The following RUVBL1 variants were observed in gnomAD, a reference collection of about 807,000 sequenced individuals.
RUVBL1 encodes RuvB like AAA ATPase 1.
In RUVBL1, 4 loss-of-function variants were observed where a neutral mutation model predicts 52.4. That is an observed-to-expected ratio of 0.08 (90% CI 0.04 to 0.17). RUVBL1 has a LOEUF of 0.17. Among genes scored for constraint, RUVBL1 ranks in the 10% least tolerant of loss-of-function variants. The pLI, the probability that RUVBL1 is intolerant of heterozygous loss-of-function variation, is 1.00. For synonymous variants in RUVBL1, 217 were observed against 214.4 expected (o/e 1.01, Z -0.10); for missense variants, 298 against 572.8 (o/e 0.52, Z 4.90).
At chr3:128,131,968 C>T (rs1046271186) in intron 1 of RUVBL1, among the ~76,000 whole-genome samples, 1 of 152,208 alleles carries the variant, frequency 6.6e-6, no homozygotes, top group African/African-American at 2.4e-5. Context: ...CTGGTTTTAA[C>T]ATCACATCAA....
chr3:128,089,712 G>T (rs990938328), intron 8 of RUVBL1, among the ~76,000 whole-genome samples: 3 of 151,926 alleles, frequency 2.0e-5, no homozygotes, highest in African/African-American at 7.2e-5. Flanking sequence ...ATATTTTCTG[G>T]TTTCTTTATA....
chr3:128,146,736 G>A (rs751472536), intron 1 of RUVBL1, among the ~76,000 whole-genome samples: 1 of 151,358 alleles, frequency 6.6e-6, no homozygotes, highest in South Asian at 2.1e-4. Context: ...TCTGCCTGCC[G>A]CTGTGTGCAC....
intron 1 of RUVBL1, 122 bp downstream of exon 1, chr3:128,123,462 T>C: frequency 8.0e-7 from 1 of 1,245,900 alleles, no homozygotes; most frequent in South Asian, 1.7e-5. Context: ...TTCACTTCCC[T>C]GAGGAAATAA....
intron 1 of RUVBL1, among the ~76,000 whole-genome samples, chr3:128,150,642 CAT>C (rs1944172902): frequency 9.5e-6 from 1 of 105,608 alleles, no homozygotes; most frequent in African/African-American, 3.7e-5. Flanking sequence ...ATATTCTATA[CAT>C]ATATTCTATA....
At chr3:128,128,036 A>G (rs1164472795), upstream of RUVBL1, among the ~76,000 whole-genome samples, 1 of 152,068 alleles carries the variant, frequency 6.6e-6, no homozygotes, top group Non-Finnish European at 1.5e-5. Flanking sequence ...ACATACATAC[A>G]TACATACATA....
chr3:128,133,190 T>A (rs953498505), intron 1 of RUVBL1, among the ~76,000 whole-genome samples: 4 of 152,102 alleles, frequency 2.6e-5, no homozygotes, highest in Non-Finnish European at 4.4e-5. Flanking sequence ...GAAAGGACTT[T>A]GTATTGCGGT....
rs147683968 is a variant in RUVBL1, at chr3:128,119,231, T to C, written c.228+97A>G. The C allele has an allele frequency of 8.9e-4, 708 of 798,366 alleles. 5 individuals carry two copies. The African/African-American group carries it at 0.011, about 12-fold the overall frequency. 49.5% of individuals were successfully genotyped at this position (798,366 alleles called of 1,614,324 possible). On this transcript the variant is annotated intron_variant, in intron 2 of 10. Transcript: ENST00000322623. Reference sequence around the variant, plus strand: ...TTTAAAAACATACATATAACCCATTTAGCTAAACAAAGACTAGTTAAGACA... The same window carrying C: ...TTTAAAAACATACATATAACCCATTCAGCTAAACAAAGACTAGTTAAGACA...
intron 1 of RUVBL1, among the ~76,000 whole-genome samples, chr3:128,150,701 C>CTA (rs948158360): frequency 8.5e-6 from 1 of 117,130 alleles, no homozygotes; most frequent in Non-Finnish European, 1.6e-5. Flanking sequence ...ATTATATATT[C>CTA]TATATATATT....
chr3:128,083,156 T>G (rs868087339), intron 9 of RUVBL1: 1 of 152,714 alleles, frequency 6.5e-6, no homozygotes, highest in Non-Finnish European at 1.5e-5. Flanking sequence ...CTTGGTAGAG[T>G]TGGAGGGGAG....
chr3:128,102,483 T>A (rs965274338), intron 4 of RUVBL1, among the ~76,000 whole-genome samples: 1 of 152,268 alleles, frequency 6.6e-6, no homozygotes, highest in African/African-American at 2.4e-5. Flanking sequence ...GAGGTCTTCA[T>A]GGAGATCTAT....
chr3:128,151,043 A>C (rs1944199454), intron 1 of RUVBL1, among the ~76,000 whole-genome samples: 1 of 101,578 alleles, frequency 9.8e-6, no homozygotes, highest in Non-Finnish European at 1.8e-5. Flanking sequence ...TCTATATTCT[A>C]TATATTCTAT....
intron 1 of RUVBL1, among the ~76,000 whole-genome samples, chr3:128,130,866 G>A (rs2107728388): frequency 6.6e-6 from 1 of 152,020 alleles, no homozygotes. Flanking sequence ...TATCCAGGAT[G>A]GTCTCGATCT....
chr3:128,074,860 A>G (rs898339988), intron 9 of RUVBL1, among the ~76,000 whole-genome samples: 3 of 151,570 alleles, frequency 2.0e-5, no homozygotes, highest in African/African-American at 7.3e-5. Context: ...AAAAAAAAAA[A>G]AAAAACTTAA....
At chr3:128,123,254 T>C (rs1365385497) in intron 1 of RUVBL1, among the ~76,000 whole-genome samples, 1 of 152,142 alleles carries the variant, frequency 6.6e-6, no homozygotes, top group Non-Finnish European at 1.5e-5. Context: ...TAAGCTCCTA[T>C]CTTAATTCCC....
At chr3:128,099,458 G>A (rs555071948) in intron 6 of RUVBL1, among the ~76,000 whole-genome samples, 2 of 152,314 alleles carry the variant, frequency 1.3e-5, no homozygotes, top group African/African-American at 4.8e-5. Flanking sequence ...TAAAGAGCAA[G>A]TATAAATATA....
At chr3:128,120,971 A>C in intron 1 of RUVBL1, among the ~76,000 whole-genome samples, 2 of 143,660 alleles carry the variant, frequency 1.4e-5, no homozygotes, top group Admixed American at 7.0e-5. Flanking sequence ...ACAGAGCGAG[A>C]CTCCCTCTCA....
rs112847567 is a variant in RUVBL1 at position 128,141,484 on chromosome 3, TTTTTCTTTTC to T, written c.-40+11709_-40+11718del. 2.3e-4 allele frequency among the ~76,000 whole-genome samples: 34 copies of T among 150,906 alleles called. 1 individual carries two copies. Among genetic ancestry groups the T allele is most frequent in the African/African-American group, 5.4e-4 (22 of 41,008 alleles). On this transcript the variant is annotated intron_variant, in intron 1 of 9. Transcript: ENST00000464873. ...CCTTGGAGTATGAAGACATGGACTT[TTTTTCTTTTC>T]TTTTCTTTTCTTTTCTTTTGAGACA...
chr3:128,153,712 C>T (rs1944301276), exon 1 of RUVBL1: 1 of 1,586,814 alleles, frequency 6.3e-7, no homozygotes, highest in South Asian at 1.1e-5. Context: ...GTCGTCTTTG[C>T]CCGAGTTCCA....
At chr3:128,114,829 G>A (rs1021697840) in intron 2 of RUVBL1, among the ~76,000 whole-genome samples, 5 of 130,494 alleles carry the variant, frequency 3.8e-5, no homozygotes, top group Non-Finnish European at 8.0e-5. Flanking sequence ...GGCTGGACAG[G>A]ACCACCCCTT....
Sources: gnomAD v4.1 joint callset for allele counts (sites outside exome capture counted in the v4.1 genomes callset) on GRCh38, gnomAD v4.1.1 for gene constraint, MANE v1.5 for transcripts, NCBI Gene and HGNC (gene_info 2026-07-23, HGNC 2026-07-21) for gene names.